COL23A1: variants seen among roughly 807,000 people sequenced by gnomAD.
COL23A1 encodes collagen type XXIII alpha 1 chain, also known as collagen alpha-1(XXIII) chain.
COL23A1 carries 97 observed loss-of-function variants against 99.3 expected under a neutral mutation model. The ratio of observed to expected loss-of-function variants is 0.98; its 90% CI spans 0.83 to 1.16. COL23A1 has a LOEUF of 1.16. Ranked by LOEUF, COL23A1 falls within the 50% of genes most tolerant of loss-of-function variation. COL23A1 has a pLI of 0.00. For missense variants in COL23A1, 762 were observed against 757.4 expected (o/e 1.01, Z -0.07); for synonymous variants, 320 against 308.2 (o/e 1.04, Z -0.40).
At chr5:178,286,919 C>T (rs1019524679) in intron 5 of COL23A1, among the ~76,000 whole-genome samples, 1 of 152,258 alleles carries the variant, frequency 6.6e-6, no homozygotes, top group Admixed American at 6.5e-5. Context: ...CCACCCTCTC[C>T]CCTCTGGACC....
chr5:178,359,284 G>A (rs1378016391), intron 2 of COL23A1, among the ~76,000 whole-genome samples: 1 of 152,236 alleles, frequency 6.6e-6, no homozygotes, highest in Non-Finnish European at 1.5e-5. Flanking sequence ...AGCACTTTGG[G>A]AGGCCGAGGC....
intron 5 of COL23A1, among the ~76,000 whole-genome samples, chr5:178,286,435 C>T (rs1393921664): frequency 6.6e-6 from 1 of 152,206 alleles, no homozygotes; most frequent in African/African-American, 2.4e-5. Flanking sequence ...CCAGGCCAGG[C>T]CCAGGTGTGA....
At position 178,313,414 on chromosome 5, in the gene COL23A1, C is replaced by A. The variant is rs1186709027; in HGVS notation, c.362-6495G>T. 6.6e-6 allele frequency among the ~76,000 whole-genome samples: 1 copy of A among 152,198 alleles called. No individual in the cohort carries two copies. Among genetic ancestry groups the A allele is most frequent in the African/African-American group, 2.4e-5 (1 of 41,440 alleles). On this transcript the variant is annotated intron_variant, in intron 2 of 28. Coordinates refer to ENST00000390654, the MANE Select transcript of COL23A1 (RefSeq NM_173465.4). The surrounding 1 kb of genome is among the most constrained non-coding windows in gnomAD (Gnocchi z 4.2). Reference sequence around the variant, plus strand: ...ACAAACACCCCAGGGGTCTCAGCTACCCCTGAGCGAGGCTGTGAGCCGGGC... The same window carrying A: ...ACAAACACCCCAGGGGTCTCAGCTAACCCTGAGCGAGGCTGTGAGCCGGGC...
chr5:178,327,012 C>A (rs1025249385), intron 2 of COL23A1, among the ~76,000 whole-genome samples: 1 of 152,218 alleles, frequency 6.6e-6, no homozygotes, highest in East Asian at 1.9e-4. Context: ...GCCACTGCAC[C>A]GGGCCAAAAA....
At chr5:178,284,077 T>G (rs1757033859) in intron 5 of COL23A1, among the ~76,000 whole-genome samples, 1 of 152,230 alleles carries the variant, frequency 6.6e-6, no homozygotes, top group Non-Finnish European at 1.5e-5. Flanking sequence ...TACCCCAAAA[T>G]GCAAGAGTGC....
intron 2 of COL23A1, among the ~76,000 whole-genome samples, chr5:178,513,285 T>G (rs1446739130): frequency 1.3e-5 from 2 of 152,136 alleles, no homozygotes; most frequent in Non-Finnish European, 2.9e-5. Context: ...CTTAACTCAC[T>G]TACATCCCCC....
intron 2 of COL23A1, among the ~76,000 whole-genome samples, chr5:178,441,580 G>A (rs1029650963): frequency 6.6e-6 from 1 of 152,032 alleles, no homozygotes; most frequent in African/African-American, 2.4e-5. Flanking sequence ...GGGGGATGCG[G>A]GGCTAGAGTT....
chr5:178,350,904 T>A (rs1169954495), intron 2 of COL23A1: 1 of 152,282 alleles, frequency 6.6e-6, no homozygotes, highest in South Asian at 2.1e-4. Context: ...CAGAATGGCC[T>A]GACAGCAGCT....
At position 178,388,079 on chromosome 5, in the gene COL23A1, C is replaced by G. The variant is rs112822356; in HGVS notation, c.362-81160G>C. ...GGTGTGATTCTTCCAGTAGGCTCAC[C>G]TGCCAGAGCCCTTCCGTTATTGCTG... On this transcript the variant is annotated intron_variant, in intron 2 of 28. Coordinates refer to ENST00000390654, the MANE Select transcript of COL23A1 (RefSeq NM_173465.4). 9.7e-3 allele frequency among the ~76,000 whole-genome samples: 1,480 copies of G among 152,328 alleles called. 24 individuals carry two copies. The highest frequency in any genetic ancestry group is 0.034 in the African/African-American group (1,400 of 41,550).
At position 178,316,850 on chromosome 5, in the gene COL23A1, C is replaced by CAA. The variant is rs141926886; in HGVS notation, c.362-9933_362-9932dup. Among the ~76,000 whole-genome samples, 642 of 132,974 alleles carry CAA rather than the reference C, an allele frequency of 4.8e-3. 9 individuals carry two copies. Among genetic ancestry groups the CAA allele is most frequent in the Admixed American group, 0.028 (360 of 13,046 alleles). 87.2% of individuals were successfully genotyped at this position (132,974 alleles called of 152,430 possible). On this transcript the variant is annotated intron_variant, in intron 2 of 28. Coordinates refer to ENST00000390654, the MANE Select transcript of COL23A1 (RefSeq NM_173465.4). ...ACATTGAAGTCTGTGGACTTCTTTG[C>CAA]AAAAAAAAAAAACGTTGCTTGGCAT...
intron 2 of COL23A1, among the ~76,000 whole-genome samples, chr5:178,545,975 T>G (rs2113387716): frequency 6.6e-6 from 1 of 152,182 alleles, no homozygotes. Flanking sequence ...GGTAACTGGC[T>G]CAAGTTCCCA....
At chr5:178,249,535 C>T (rs1389549658) in intron 18 of COL23A1, among the ~76,000 whole-genome samples, 1 of 152,200 alleles carries the variant, frequency 6.6e-6, no homozygotes, top group East Asian at 1.9e-4. Flanking sequence ...TGGGACTCCC[C>T]ACCCCCACAA....
rs4432911 is a variant in COL23A1, at chr5:178,415,692, A to G, written c.362-108773T>C. Among the ~76,000 whole-genome samples the G allele has an allele frequency of 0.47, 71,755 of 151,604 alleles. 18,600 individuals carry two copies. The highest frequency in any genetic ancestry group is 0.69 in the African/African-American group (28,463 of 41,330). ...AGGTGGGCAGTCAGCAGACTGTCCC[A>G]CGCCACATCTGTGCCCGAGCCCTGC... is the stretch of plus-strand genomic sequence containing the variant. On this transcript the variant is annotated intron_variant, in intron 2 of 28. Coordinates refer to ENST00000390654, the MANE Select transcript of COL23A1 (RefSeq NM_173465.4). This position sits in a 1 kb window ranked among gnomAD's most constrained non-coding sequence, Gnocchi z 4.6.
intron 2 of COL23A1, among the ~76,000 whole-genome samples, chr5:178,358,282 G>A (rs1402805054): frequency 1.8e-4 from 24 of 132,154 alleles, no homozygotes; most frequent in Non-Finnish European, 6.5e-5. Context: ...ATGTGTGTAT[G>A]CGTGTGCGTA....
rs1490280181 is a variant in COL23A1 at position 178,544,641 on chromosome 5, A to G, written c.361+16041T>C. Among the ~76,000 whole-genome samples the G allele has an allele frequency of 6.6e-6, 1 of 152,162 alleles. No homozygotes were observed. The highest frequency in any genetic ancestry group is 2.4e-5 in the African/African-American group (1 of 41,440). Reference sequence around the variant, plus strand: ...ACAGCCGGCCTCTATCCCCACTGTGAGACGGGCGGTGCCACAAATGGGAGG... The same window carrying G: ...ACAGCCGGCCTCTATCCCCACTGTGGGACGGGCGGTGCCACAAATGGGAGG... On this transcript the variant is annotated intron_variant, in intron 2 of 28. Coordinates refer to ENST00000390654, the MANE Select transcript of COL23A1 (RefSeq NM_173465.4). The surrounding 1 kb of genome is among the most constrained non-coding windows in gnomAD (Gnocchi z 4.4).
At chr5:178,287,819 G>T (rs74592225) in intron 5 of COL23A1, among the ~76,000 whole-genome samples, 4 of 152,228 alleles carry the variant, frequency 2.6e-5, no homozygotes, top group Non-Finnish European at 4.4e-5. Context: ...TGCTGCTGAC[G>T]TGGTGCTCAC....
intron 8 of COL23A1, 134 bp downstream of exon 8, chr5:178,267,173 T>G (rs548088805): frequency 1.1e-6 from 1 of 949,520 alleles, no homozygotes; most frequent in East Asian, 2.6e-5. Context: ...GTGCTATGGG[T>G]GGGGAAGAGC....
chr5:178,301,070 T>C (rs1758007263), intron 3 of COL23A1, among the ~76,000 whole-genome samples: 1 of 152,206 alleles, frequency 6.6e-6, no homozygotes, highest in Non-Finnish European at 1.5e-5. Flanking sequence ...TATGTGTATG[T>C]TGGGACACTC....
intron 2 of COL23A1, among the ~76,000 whole-genome samples, chr5:178,485,675 G>C (rs1445281972): frequency 6.6e-6 from 1 of 151,430 alleles, no homozygotes; most frequent in Non-Finnish European, 1.5e-5. Flanking sequence ...AGCTACTCGG[G>C]AGGCTGAGAG....
Sources: allele counts gnomAD v4.1 joint callset (sites outside exome capture counted in the v4.1 genomes callset), GRCh38; gene constraint gnomAD v4.1.1; non-coding constraint Gnocchi (gnomAD v3.1); transcripts MANE v1.5; gene names NCBI Gene and HGNC (gene_info 2026-07-23, HGNC 2026-07-21).